The following FHL2 variants were observed in gnomAD, a reference collection of about 807,000 sequenced individuals.
The protein encoded by FHL2 is four and a half LIM domains protein 2.
In FHL2, 20 loss-of-function variants were observed where a neutral mutation model predicts 32.7. The observed-to-expected ratio is 0.61, with a 90% confidence interval of 0.43 to 0.89. The LOEUF is 0.89. Ranked by LOEUF, FHL2 falls within the 40% of genes least tolerant of loss-of-function variation. The pLI is 0.00. For synonymous variants in FHL2, 123 were observed against 128.1 expected, an observed-to-expected ratio of 0.96 and a Z score of 0.27; for missense variants, 311 against 358.6, an observed-to-expected ratio of 0.87 and a Z score of 1.07.
chr2:105,372,675 G>T (rs1484459663), intron 4 of FHL2, among the ~76,000 whole-genome samples: 1 of 152,042 alleles, frequency 6.6e-6, no homozygotes, highest in Non-Finnish European at 1.5e-5. Context: ...TGTAGTCTCA[G>T]CTACTTAGGA....
At position 105,373,629 on chromosome 2, in the gene FHL2, C is replaced by T; in HGVS notation, c.261G>A (p.Leu87=). 1.2e-6 allele frequency: 2 copies of T among 1,614,236 alleles called. No individual in the cohort carries two copies. Among genetic ancestry groups the T allele is most frequent in the Non-Finnish European group, 1.7e-6 (2 of 1,180,038 alleles). Residue 87 remains leucine (L), a synonymous_variant, in exon 4 of 7, where the codon CTG becomes CTA. Coordinates refer to ENST00000530340, the MANE Select transcript of FHL2 (RefSeq NM_001318895.3). The part of the protein sequence containing the change: ...DKPFAAKEDQ[L]LCTDCYSNEY... ...CGTTGGAATAGCAGTCTGTACAGAGCAGCTGGTCCTCCTTGGCAGCAAAGG... is the reference window on the plus strand; with the variant it reads ...CGTTGGAATAGCAGTCTGTACAGAGTAGCTGGTCCTCCTTGGCAGCAAAGG...
intron 3 of FHL2, chr2:105,385,840 G>A (rs1463475050): frequency 6.2e-6 from 1 of 161,418 alleles, no homozygotes; most frequent in African/African-American, 2.4e-5. Context: ...TTTCCCCATT[G>A]AAAGGAAACA....
intron 3 of FHL2, chr2:105,385,986 G>A (rs1188454938): frequency 3.2e-5 from 12 of 375,866 alleles, no homozygotes; most frequent in Admixed American, 4.4e-5. Context: ...AATATTGACT[G>A]AGCACAGCAC....
upstream of FHL2, among the ~76,000 whole-genome samples, chr2:105,400,543 T>C (rs2104640433): frequency 6.6e-6 from 1 of 152,326 alleles, no homozygotes; most frequent in East Asian, 1.9e-4. Flanking sequence ...AGATGTGTTG[T>C]TGATATCGTT....
At chr2:105,396,554 G>T in intron 2 of FHL2, 93 bp downstream of exon 2, 2 of 1,134,496 alleles carry the variant, frequency 1.8e-6, no homozygotes, top group Non-Finnish European at 2.6e-6. Context: ...GGCACCGCAT[G>T]GCCCAGTCAA....
intron 4 of FHL2, among the ~76,000 whole-genome samples, chr2:105,373,198 G>C (rs1219216096): frequency 6.6e-6 from 1 of 152,222 alleles, no homozygotes; most frequent in Non-Finnish European, 1.5e-5. Flanking sequence ...TGAAATAACT[G>C]AATGAGTACA....
intron 3 of FHL2, 134 bp from the exon 4 acceptor site, chr2:105,373,867 T>G: frequency 2.7e-6 from 2 of 743,692 alleles, no homozygotes; most frequent in Admixed American, 4.6e-5. Context: ...GCACCCACAT[T>G]CATGCCCCAG....
intron 3 of FHL2, among the ~76,000 whole-genome samples, chr2:105,384,370 A>T (rs1682134388): frequency 6.6e-6 from 1 of 152,194 alleles, no homozygotes; most frequent in Non-Finnish European, 1.5e-5. Flanking sequence ...TCACGAAAAG[A>T]ATAAGGAAGT....
At chr2:105,400,556 A>G (rs1274614094), upstream of FHL2, among the ~76,000 whole-genome samples, 1 of 152,220 alleles carries the variant, frequency 6.6e-6, no homozygotes, top group Non-Finnish European at 1.5e-5. Flanking sequence ...ATATCGTTAC[A>G]AATTAGGAAA....
At chr2:105,414,314 A>G (rs988076096) in intron 1 of FHL2, among the ~76,000 whole-genome samples, 1 of 152,052 alleles carries the variant, frequency 6.6e-6, no homozygotes, top group African/African-American at 2.4e-5. Flanking sequence ...TTCATTGCAT[A>G]GGCATGATTG....
chr2:105,411,538 GTTTTTTTTTTTTT>G (rs9308884), intron 1 of FHL2, among the ~76,000 whole-genome samples: 1 of 81,150 alleles, frequency 1.2e-5, no homozygotes, highest in African/African-American at 5.1e-5. Context: ...TGAACTTAGG[GTTTTTTTTTTTTT>G]TTTTTTTTTT....
chr2:105,436,569 T>C lies in FHL2; in HGVS notation c.-25+1830A>G, dbSNP rs575708852. 2.0e-5 allele frequency among the ~76,000 whole-genome samples: 3 copies of C among 152,222 alleles called. No individual in the cohort carries two copies. The South Asian group carries it at 6.2e-4, about 32-fold the overall frequency. Reference sequence around the variant, plus strand: ...ATAACTTGATTTATATATACATATATATATGTTTTGTTAATTATTATTTAC... The same window carrying C: ...ATAACTTGATTTATATATACATATACATATGTTTTGTTAATTATTATTTAC... On this transcript the variant is annotated intron_variant, in intron 1 of 5. Coordinates refer to the FHL2 transcript ENST00000393352.
intron 1 of FHL2, among the ~76,000 whole-genome samples, chr2:105,421,861 G>A (rs556539117): frequency 6.6e-6 from 1 of 152,172 alleles, no homozygotes; most frequent in Non-Finnish European, 1.5e-5. Flanking sequence ...CAACATTCTA[G>A]GATTTAGTTT....
At position 105,417,443 on chromosome 2, in the gene FHL2, G is replaced by A. The variant is rs149675530; in HGVS notation, c.-25+20956C>T. ...CTCACGCCTGTAATCCCAGCAATTCGGGAGACTGAGGCGGGCAGATTGTCT... is the reference window on the plus strand; with the variant it reads ...CTCACGCCTGTAATCCCAGCAATTCAGGAGACTGAGGCGGGCAGATTGTCT... On this transcript the variant is annotated intron_variant, in intron 1 of 5. Transcript: ENST00000393352. Among the ~76,000 whole-genome samples, 589 of 152,086 alleles carry A rather than the reference G, an allele frequency of 3.9e-3. 3 individuals are homozygous for A. The highest frequency in any genetic ancestry group is 0.012 in the African/African-American group (514 of 41,484).
chr2:105,381,305 G>A (rs1243400809), intron 3 of FHL2, among the ~76,000 whole-genome samples: 2 of 152,148 alleles, frequency 1.3e-5, no homozygotes, highest in African/African-American at 4.8e-5. Flanking sequence ...GACAACAGCA[G>A]AAATGACAGC....
intron 1 of FHL2, among the ~76,000 whole-genome samples, chr2:105,404,689 C>T (rs1683572767): frequency 6.6e-6 from 1 of 152,182 alleles, no homozygotes; most frequent in African/African-American, 2.4e-5. Context: ...GCCTGTCAGA[C>T]TTTCAGGAAA....
intron 1 of FHL2, among the ~76,000 whole-genome samples, chr2:105,431,426 G>A (rs1021563940): frequency 3.9e-5 from 6 of 152,200 alleles, no homozygotes; most frequent in African/African-American, 1.4e-4. Flanking sequence ...AGTGTTTAGG[G>A]GTAGCTCTCA....
At chr2:105,369,067 A>G (rs941221032) in intron 4 of FHL2, among the ~76,000 whole-genome samples, 1 of 152,204 alleles carries the variant, frequency 6.6e-6, no homozygotes, top group Non-Finnish European at 1.5e-5. Context: ...AGTAGTTGTG[A>G]CAGAGACTGT....
chr2:105,361,976 A>G (rs1193520992), intron 6 of FHL2, among the ~76,000 whole-genome samples: 4 of 152,224 alleles, frequency 2.6e-5, no homozygotes, highest in African/African-American at 9.6e-5. Context: ...ATGGAATCAA[A>G]TATTTAAGGT....
Sources: gnomAD v4.1 joint callset for allele counts (sites outside exome capture counted in the v4.1 genomes callset) on GRCh38, gnomAD v4.1.1 for gene constraint, MANE v1.5 for transcripts, NCBI Gene and HGNC (gene_info 2026-07-23, HGNC 2026-07-21) for gene names.